Variants in HGF observed in about 807,000 individuals in gnomAD.
HGF encodes the protein hepatocyte growth factor.
In HGF, 39 loss-of-function variants were observed where a neutral mutation model predicts 111.6. That is an observed-to-expected ratio of 0.35 (90% CI 0.27 to 0.46). The LOEUF (loss-of-function observed/expected upper bound fraction) is 0.46, where lower values mean the gene tolerates loss of function less well. Among genes scored for constraint, HGF ranks in the 20% least tolerant of loss-of-function variants. The probability of loss-of-function intolerance (pLI) is 1.00; values close to 1 mark genes in which losing one functional copy is unlikely to be tolerated. For missense variants in HGF, 735 were observed against 910.5 expected, an observed-to-expected ratio of 0.81 and a Z score of 2.48; for synonymous variants, 285 against 294.8, an observed-to-expected ratio of 0.97 and a Z score of 0.34.
At chr7:81,734,276 G>A (rs1412819040) in intron 7 of HGF, among the ~76,000 whole-genome samples, 1 of 152,144 alleles carries the variant, frequency 6.6e-6, no homozygotes, top group Non-Finnish European at 1.5e-5. Context: ...GCTACCCATT[G>A]GAAGCAGAAG....
intron 9 of HGF, among the ~76,000 whole-genome samples, chr7:81,725,203 A>C (rs774894904): frequency 6.6e-6 from 1 of 152,208 alleles, no homozygotes; most frequent in Non-Finnish European, 1.5e-5. Flanking sequence ...TCAGAGCAAA[A>C]GGGCAAACAA....
intron 1 of HGF, among the ~76,000 whole-genome samples, chr7:81,765,254 A>G (rs926340454): frequency 6.6e-6 from 1 of 152,090 alleles, no homozygotes; most frequent in Non-Finnish European, 1.5e-5. Context: ...AGCCATGAAG[A>G]AGATTCTGGA....
At chr7:81,704,684 C>A (rs1180547665) in intron 17 of HGF, among the ~76,000 whole-genome samples, 1 of 151,766 alleles carries the variant, frequency 6.6e-6, no homozygotes, top group Non-Finnish European at 1.5e-5. Flanking sequence ...ATTTCACTAT[C>A]ATTGAACTCA....
At chr7:81,765,320 G>T (rs1403338942) in intron 1 of HGF, among the ~76,000 whole-genome samples, 1 of 152,022 alleles carries the variant, frequency 6.6e-6, no homozygotes, top group Non-Finnish European at 1.5e-5. Context: ...CTCCTCAATT[G>T]TCCTACTGAA....
rs1583951634 is a variant in HGF, at chr7:81,729,668, C to G, written c.977G>C (p.Cys326Ser). 6.2e-7 allele frequency: 1 copy of G among 1,613,526 alleles called. No homozygotes were observed. Among genetic ancestry groups the G allele is most frequent in the South Asian group, 1.1e-5 (1 of 91,080 alleles). Residue 326 changes from cysteine (C) to serine (S), a missense_variant, in exon 8 of 18, where the codon TGT becomes TCT. Transcript: ENST00000222390. The part of the protein sequence containing the change: ...TVNTIWNGIP[C>S]QRWDSQYPHE... ...AGGATACTGAGAATCCCAACGCTGA[C>G]ATGGAATTCCATTCCAAATGGTATT...
intron 15 of HGF, 120 bp downstream of exon 15, chr7:81,706,167 C>G (rs1171289593): frequency 2.3e-6 from 2 of 853,040 alleles, no homozygotes; most frequent in Non-Finnish European, 4.0e-6. Context: ...ATATATACAG[C>G]ATGTAACATA....
intron 1 of HGF, 132 bp downstream of exon 1, chr7:81,769,752 A>T (rs1168718810): frequency 1.4e-6 from 1 of 692,252 alleles, no homozygotes; most frequent in Non-Finnish European, 2.6e-6. Context: ...AGCTTTTAGA[A>T]ACCTATACTA....
intron 17 of HGF, 29 bp downstream of exon 17, chr7:81,705,361 T>A (rs781715040): frequency 1.2e-6 from 2 of 1,601,974 alleles, no homozygotes; most frequent in Non-Finnish European, 1.7e-6. Context: ...ATGAATCACA[T>A]ACTCCTTATT....
intron 2 of HGF, 143 bp from the exon 3 acceptor site, chr7:81,758,947 G>A: frequency 1.7e-6 from 1 of 572,882 alleles, no homozygotes; most frequent in Non-Finnish European, 3.0e-6. Flanking sequence ...AAAAATATGA[G>A]TAAAATTTGA....
At chr7:81,766,327 A>C (rs1442690633) in intron 1 of HGF, among the ~76,000 whole-genome samples, 2 of 152,212 alleles carry the variant, frequency 1.3e-5, no homozygotes, top group African/African-American at 2.4e-5. Context: ...ACCTATCCAC[A>C]TGATTAGTGA....
At chr7:81,728,220 C>A (rs562572063) in intron 8 of HGF, among the ~76,000 whole-genome samples, 3 of 152,248 alleles carry the variant, frequency 2.0e-5, no homozygotes, top group African/African-American at 7.2e-5. Context: ...TTTCTTAATA[C>A]TTATGTTTGG....
intron 7 of HGF, among the ~76,000 whole-genome samples, chr7:81,732,851 A>G (rs1787711084): frequency 6.6e-6 from 1 of 152,166 alleles, no homozygotes; most frequent in East Asian, 1.9e-4. Flanking sequence ...GATCTATATT[A>G]CCAAAACCCC....
At chr7:81,759,839 A>C (rs1043587755) in intron 2 of HGF, among the ~76,000 whole-genome samples, 2 of 152,204 alleles carry the variant, frequency 1.3e-5, no homozygotes, top group African/African-American at 4.8e-5. Context: ...ATCTTAAAGA[A>C]AGTTATGAAG....
chr7:81,724,978 C>A (rs769217256), intron 9 of HGF, among the ~76,000 whole-genome samples: 1 of 152,198 alleles, frequency 6.6e-6, no homozygotes, highest in Non-Finnish European at 1.5e-5. Context: ...TCAAACCCCA[C>A]CATTATCCAG....
intron 7 of HGF, among the ~76,000 whole-genome samples, chr7:81,730,228 CA>C (rs1319280758): frequency 1.3e-5 from 2 of 152,044 alleles, no homozygotes; most frequent in Non-Finnish European, 2.9e-5. Context: ...GTGGGTGGAT[CA>C]CCTGAGGTCA....
At chr7:81,754,772 G>A (rs1437829699) in intron 4 of HGF, among the ~76,000 whole-genome samples, 1 of 151,392 alleles carries the variant, frequency 6.6e-6, no homozygotes, top group Non-Finnish European at 1.5e-5. Context: ...CTTTTCTTTA[G>A]CACCCCATAT....
chr7:81,707,255 G>C (rs779909459), intron 14 of HGF, 35 bp downstream of exon 14: 1 of 1,196,168 alleles, frequency 8.4e-7, no homozygotes, highest in Non-Finnish European at 1.2e-6. Flanking sequence ...ACATTTTAAA[G>C]GCTCAAAATA....
rs34456927 is a variant in HGF, at chr7:81,756,981, A to G, written c.482+208T>C. ...ATCTACAAATTGAGGCATTAAGGTA[A>G]GATATTGTTTTGGCTACATTTTATT... On this transcript the variant is annotated intron_variant, in intron 4 of 17. Transcript: ENST00000222390. The G allele has an allele frequency of 2.6e-3, 1,565 of 594,150 alleles. 21 individuals carry two copies. In the African/African-American group the frequency reaches 0.027, roughly 10 times the overall value. The allele number at this position is 594,150 out of a possible 1,614,324, so 36.8% of individuals were successfully genotyped here.
chr7:81,760,676 CGTGCGTGTGTGTGTGTGTGT>C (rs991292292), intron 2 of HGF, among the ~76,000 whole-genome samples: 11 of 89,738 alleles, frequency 1.2e-4, no homozygotes, highest in African/African-American at 4.4e-4. Flanking sequence ...TGTCTATGTG[CGTGCGTGTGTGTGTGTGTGT>C]GTGTGTGTGT....
Sources: allele counts gnomAD v4.1 joint callset (sites outside exome capture counted in the v4.1 genomes callset), GRCh38; gene constraint gnomAD v4.1.1; transcripts MANE v1.5; gene names NCBI Gene and HGNC (gene_info 2026-07-23, HGNC 2026-07-21).